The following SAR1B variants were observed in gnomAD, a reference collection of about 807,000 sequenced individuals.
The protein encoded by SAR1B is secretion associated Ras related GTPase 1B.
Under a neutral mutation model 26.8 loss-of-function variants are expected in SAR1B, and 23 were observed. The ratio of observed to expected loss-of-function variants is 0.86; its 90% confidence interval spans 0.62 to 1.22. SAR1B has a LOEUF of 1.22. Ranked by LOEUF, SAR1B falls within the 50% of genes most tolerant of loss-of-function variation. The pLI is 0.00. For synonymous variants in SAR1B, 65 were observed against 80.8 expected, an observed-to-expected ratio of 0.80 and a Z score of 1.05; for missense variants, 196 against 232.8, an observed-to-expected ratio of 0.84 and a Z score of 1.03.
At chr5:134,615,306 C>T (rs1219879817) in intron 3 of SAR1B, among the ~76,000 whole-genome samples, 1 of 151,208 alleles carries the variant, frequency 6.6e-6, no homozygotes, top group Non-Finnish European at 1.5e-5. Context: ...CGAGATTGCC[C>T]CACTGCACTC....
intron 1 of SAR1B, among the ~76,000 whole-genome samples, chr5:134,630,889 C>CTTTTTTTTTTTTTTTTTTTT (rs781218368): frequency 9.8e-4 from 68 of 69,142 alleles, no homozygotes; most frequent in East Asian, 1.4e-3. Context: ...CTTTTTTTTT[C>CTTTTTTTTTTTTTTTTTTTT]TTTTTTTTTT....
In SAR1B at chr5:134,604,859, T is replaced by C. The variant is rs1580643878; in HGVS notation, c.*2091A>G. ...TTGAAGAAAGGCAGGTCCCTGAAGG[T>C]ACAGATAACATGAACAAGAGGCAGT... On this transcript the variant is annotated 3_prime_UTR_variant, in exon 7 of 7. Coordinates refer to ENST00000402673, the MANE Select transcript of SAR1B (RefSeq NM_016103.4). 6.6e-6 allele frequency: 1 copy of C among 152,190 alleles called. No individual in the cohort carries two copies. The highest frequency in any genetic ancestry group is 2.4e-5 in the African/African-American group (1 of 41,450). The allele number at this position is 152,190 out of a possible 1,614,324, so 9.4% of individuals were successfully genotyped here.
At position 134,606,022 on chromosome 5, in the gene SAR1B, G is replaced by T. The variant is rs1277705447; in HGVS notation, c.*928C>A. ...TCATTGCTTTTGGGGAAGAGGCACA[G>T]ATTACCCCATTGGGCACCAATAAGA... On this transcript the variant is annotated 3_prime_UTR_variant, in exon 7 of 7. Coordinates refer to ENST00000402673, the MANE Select transcript of SAR1B (RefSeq NM_016103.4). The T allele has an allele frequency of 6.6e-6, 1 of 152,206 alleles. No individual in the cohort carries two copies. Among genetic ancestry groups the T allele is most frequent in the African/African-American group, 2.4e-5 (1 of 41,454 alleles). 9.4% of individuals were successfully genotyped at this position (152,206 alleles called of 1,614,324 possible). A position where few individuals can be genotyped will look rare whatever the true frequency, so the allele number is the denominator to read the frequency against.
chr5:134,630,757 C>G (rs1469240116), intron 1 of SAR1B, among the ~76,000 whole-genome samples: 1 of 135,016 alleles, frequency 7.4e-6, no homozygotes, highest in African/African-American at 2.8e-5. Flanking sequence ...CCAGCCTGGG[C>G]GATAGAGCGA....
rs1390864627 is a variant in SAR1B, at chr5:134,602,152, A to G, written c.*4798T>C. On this transcript the variant is annotated 3_prime_UTR_variant, in exon 7 of 7. Coordinates refer to ENST00000402673, the MANE Select transcript of SAR1B (RefSeq NM_016103.4). The stretch of plus-strand genomic sequence containing the variant: ...GTTTTCTATTTCTGCCCTAAAATCT[A>G]TTTGGGGCAGGGGACACACCTGAAA... The G allele has an allele frequency of 1.3e-5, 2 of 152,172 alleles. No individual in the cohort carries two copies. Among genetic ancestry groups the G allele is most frequent in the African/African-American group, 2.4e-5 (1 of 41,444 alleles). The allele number at this position is 152,172 out of a possible 1,614,324, so 9.4% of individuals were successfully genotyped here.
At chr5:134,630,598 C>T (rs994987122) in intron 1 of SAR1B, among the ~76,000 whole-genome samples, 2 of 150,744 alleles carry the variant, frequency 1.3e-5, no homozygotes, top group African/African-American at 2.4e-5. Context: ...GCCTGGCCAA[C>T]ATGGTGAAAC....
At chr5:134,609,735 G>A in intron 4 of SAR1B, 61 bp from the exon 5 acceptor site, 2 of 1,275,108 alleles carry the variant, frequency 1.6e-6, no homozygotes, top group Non-Finnish European at 2.3e-6. Flanking sequence ...GATGGTTTAA[G>A]CAAAGAGTCC....
At chr5:134,626,970 T>G (rs1041129785) in intron 1 of SAR1B, among the ~76,000 whole-genome samples, 1 of 152,204 alleles carries the variant, frequency 6.6e-6, no homozygotes, top group Admixed American at 6.6e-5. Flanking sequence ...AAAGCTATTA[T>G]AGAAAAATTT....
At chr5:134,611,727 G>A (rs903306672) in intron 4 of SAR1B, among the ~76,000 whole-genome samples, 14 of 152,154 alleles carry the variant, frequency 9.2e-5, no homozygotes, top group Admixed American at 2.6e-4. Flanking sequence ...GGCTTCCCAA[G>A]GGAGGTAGCA....
chr5:134,627,671 C>T (rs1325111985), intron 1 of SAR1B, among the ~76,000 whole-genome samples: 1 of 151,434 alleles, frequency 6.6e-6, no homozygotes, highest in African/African-American at 2.4e-5. Context: ...TGGTAGTGGA[C>T]GCCTGTAGTC....
intron 4 of SAR1B, 74 bp from the exon 5 acceptor site, chr5:134,609,748 C>T: frequency 4.4e-6 from 5 of 1,135,338 alleles, no homozygotes; most frequent in Admixed American, 1.7e-5. Flanking sequence ...AAGAGTCCAA[C>T]CAGATATCAA....
At chr5:134,611,848 G>A (rs937179730) in intron 4 of SAR1B, among the ~76,000 whole-genome samples, 9 of 151,624 alleles carry the variant, frequency 5.9e-5, no homozygotes, top group South Asian at 2.1e-4. Flanking sequence ...CAAAAAGAAC[G>A]GGAAGGGGAA....
chr5:134,619,189 G>A (rs535186072), intron 3 of SAR1B, among the ~76,000 whole-genome samples: 9 of 150,644 alleles, frequency 6.0e-5, no homozygotes, highest in African/African-American at 2.2e-4. Flanking sequence ...ACATTAGCTG[G>A]GTGTGGTAGC....
chr5:134,625,518 C>T (rs1765480306), intron 1 of SAR1B, among the ~76,000 whole-genome samples: 1 of 151,994 alleles, frequency 6.6e-6, no homozygotes, highest in African/African-American at 2.4e-5. Context: ...CTCAACAGAA[C>T]AGAATTGGGA....
At chr5:134,632,212 A>T (rs925541605) in intron 1 of SAR1B, 1 of 152,168 alleles carries the variant, frequency 6.6e-6, no homozygotes. Flanking sequence ...CAAAACAACA[A>T]CAAAAATTTA....
intron 1 of SAR1B, among the ~76,000 whole-genome samples, chr5:134,629,998 CA>C (rs1765572403): frequency 1.3e-5 from 2 of 152,182 alleles, no homozygotes; most frequent in Admixed American, 1.3e-4. Context: ...CACAGTGGCT[CA>C]TATCTGTAAT....
At position 134,606,350 on chromosome 5, in the gene SAR1B, C is replaced by T. The variant is rs1765127875; in HGVS notation, c.*600G>A. The T allele has an allele frequency of 6.4e-6, 1 of 156,092 alleles. No individual in the cohort carries two copies. The highest frequency in any genetic ancestry group is 1.4e-5 in the Non-Finnish European group (1 of 70,380). 9.7% of individuals were successfully genotyped at this position (156,092 alleles called of 1,614,324 possible). ...CCTTTCCCAACAACCACTTCATATG[C>T]CTAATATTAAATACTCAAATTTTCA... On this transcript the variant is annotated 3_prime_UTR_variant, in exon 7 of 7. Transcript: ENST00000402673.
chr5:134,625,305 C>T (rs1765476382), intron 1 of SAR1B, among the ~76,000 whole-genome samples: 1 of 152,076 alleles, frequency 6.6e-6, no homozygotes, highest in African/African-American at 2.4e-5. Context: ...GATTTCCAAC[C>T]TTCCACCCTC....
intron 3 of SAR1B, among the ~76,000 whole-genome samples, chr5:134,616,043 G>A (rs1318118629): frequency 2.0e-5 from 3 of 148,894 alleles, no homozygotes; most frequent in African/African-American, 7.5e-5. Context: ...GGGAAGCTGA[G>A]ACAGGAGAAT....
Sources: allele counts gnomAD v4.1 joint callset (sites outside exome capture counted in the v4.1 genomes callset), GRCh38; gene constraint gnomAD v4.1.1; transcripts MANE v1.5; gene names NCBI Gene and HGNC (gene_info 2026-07-23, HGNC 2026-07-21).